Variants in RUNDC3B observed in about 807,000 individuals in gnomAD.
RUNDC3B encodes RUN domain containing 3B, also known as RUN domain-containing protein 3B.
A neutral mutation model predicts 58.4 loss-of-function variants in RUNDC3B; 33 were observed. That is an observed-to-expected ratio of 0.56 (90% CI 0.43 to 0.75). The LOEUF is 0.75. Ranked by LOEUF, RUNDC3B falls within the 30% of genes least tolerant of loss-of-function variation. The pLI is 0.00. For missense variants in RUNDC3B, 501 were observed against 535.7 expected (o/e 0.94, Z 0.64); for synonymous variants, 193 against 195.2 (o/e 0.99, Z 0.10).
chr7:87,794,848 T>A, intron 8 of RUNDC3B, among the ~76,000 whole-genome samples: 1 of 152,172 alleles, frequency 6.6e-6, no homozygotes, highest in East Asian at 1.9e-4. Flanking sequence ...GTGATCTATT[T>A]TTGACAAAGT....
chr7:87,685,807 A>G (rs972799354), intron 2 of RUNDC3B, among the ~76,000 whole-genome samples: 1 of 152,206 alleles, frequency 6.6e-6, no homozygotes, highest in Admixed American at 6.5e-5. Context: ...AATTTACTAC[A>G]AGGAATAAAT....
intron 2 of RUNDC3B, among the ~76,000 whole-genome samples, chr7:87,657,557 G>A (rs1824232340): frequency 6.6e-6 from 1 of 152,130 alleles, no homozygotes; most frequent in Non-Finnish European, 1.5e-5. Flanking sequence ...CTCTTGGCTG[G>A]TCAAAAACTC....
chr7:87,724,752 A>G (rs1185115330), intron 4 of RUNDC3B, among the ~76,000 whole-genome samples: 1 of 152,030 alleles, frequency 6.6e-6, no homozygotes, highest in Non-Finnish European at 1.5e-5. Context: ...TTTATACCTG[A>G]TCTTCATAAT....
At chr7:87,663,166 T>A (rs1824883760) in intron 2 of RUNDC3B, among the ~76,000 whole-genome samples, 1 of 152,180 alleles carries the variant, frequency 6.6e-6, no homozygotes, top group African/African-American at 2.4e-5. Flanking sequence ...ATCCAAAATA[T>A]AAGATCATAT....
intron 1 of RUNDC3B, among the ~76,000 whole-genome samples, chr7:87,630,703 T>C (rs1398148491): frequency 6.6e-6 from 1 of 151,226 alleles, no homozygotes; most frequent in Non-Finnish European, 1.5e-5. Flanking sequence ...TTTTTTTTTC[T>C]TTCAAATTCT....
intron 2 of RUNDC3B, among the ~76,000 whole-genome samples, chr7:87,662,130 C>T (rs2130456715): frequency 6.6e-6 from 1 of 152,096 alleles, no homozygotes; most frequent in Middle Eastern, 3.4e-3. Flanking sequence ...TGTTTGAGCT[C>T]CTTATATATT....
At position 87,684,542 on chromosome 7, in the gene RUNDC3B, A is replaced by G. The variant is rs564494662; in HGVS notation, c.239-15879A>G. Among the ~76,000 whole-genome samples the G allele has an allele frequency of 6.6e-5, 10 of 152,038 alleles. No homozygotes were observed. In the South Asian group the frequency reaches 1.7e-3, roughly 25 times the overall value. ...GGCAGGCGGATCATGAGGTCAAGAG[A>G]TCGAGACCATCCTGGCCAACATGGT... On this transcript the variant is annotated intron_variant, in intron 2 of 10. Coordinates refer to ENST00000394654, the MANE Select transcript of RUNDC3B (RefSeq NM_001134405.2).
intron 6 of RUNDC3B, among the ~76,000 whole-genome samples, chr7:87,759,686 T>A (rs905830394): frequency 2.4e-4 from 37 of 151,812 alleles, no homozygotes; most frequent in Non-Finnish European, 4.9e-4. Flanking sequence ...TAGTCCTAGC[T>A]ACTTGGGAGA....
chr7:87,669,600 T>G (rs903924545), intron 2 of RUNDC3B, among the ~76,000 whole-genome samples: 1 of 152,218 alleles, frequency 6.6e-6, no homozygotes, highest in African/African-American at 2.4e-5. Context: ...GTTTTTGTAT[T>G]AGCTGGTATT....
chr7:87,749,475 C>CA (rs1391636106), intron 6 of RUNDC3B, among the ~76,000 whole-genome samples: 2 of 152,098 alleles, frequency 1.3e-5, no homozygotes, highest in African/African-American at 4.8e-5. Flanking sequence ...AATACCAATT[C>CA]AACCTAGTCA....
chr7:87,795,962 C>A (rs1489981187), intron 8 of RUNDC3B, among the ~76,000 whole-genome samples: 1 of 152,090 alleles, frequency 6.6e-6, no homozygotes, highest in Non-Finnish European at 1.5e-5. Context: ...TTGGTATATA[C>A]CCAAAAGAAA....
chr7:87,701,925 C>T (rs1203037102), intron 3 of RUNDC3B, among the ~76,000 whole-genome samples: 11 of 151,980 alleles, frequency 7.2e-5, no homozygotes, highest in African/African-American at 2.2e-4. Context: ...AGGCGGATCA[C>T]GAGGTCAGGA....
At chr7:87,821,493 C>A (rs908658928) in intron 10 of RUNDC3B, among the ~76,000 whole-genome samples, 2 of 152,068 alleles carry the variant, frequency 1.3e-5, no homozygotes, top group African/African-American at 4.8e-5. Context: ...TCAATGCCAC[C>A]CCCATCAAGC....
chr7:87,797,111 G>T (rs1346544956), intron 8 of RUNDC3B, among the ~76,000 whole-genome samples: 2 of 152,272 alleles, frequency 1.3e-5, no homozygotes, highest in East Asian at 3.9e-4. Flanking sequence ...GACAGTAACG[G>T]AAAAGTTTGG....
At position 87,671,139 on chromosome 7, in the gene RUNDC3B, C is replaced by G. The variant is rs368730092; in HGVS notation, c.238+20202C>G. 3.7e-4 allele frequency among the ~76,000 whole-genome samples: 57 copies of G among 152,338 alleles called. No homozygotes were observed. In the South Asian group the frequency reaches 0.011, roughly 30 times the overall value. The stretch of plus-strand genomic sequence containing the variant: ...GGATGGAGGGTCTGTACTGTGGCCC[C>G]AGGCCAAGGGTTCCCTGTCTAGTCA... On this transcript the variant is annotated intron_variant, in intron 2 of 10. Transcript: ENST00000394654.
chr7:87,695,355 G>A (rs1168791024), intron 2 of RUNDC3B, among the ~76,000 whole-genome samples: 2 of 151,980 alleles, frequency 1.3e-5, no homozygotes, highest in Non-Finnish European at 2.9e-5. Context: ...ATAAAATAGT[G>A]GATAATATTA....
At chr7:87,768,909 C>G (rs1201937103) in intron 6 of RUNDC3B, among the ~76,000 whole-genome samples, 1 of 151,724 alleles carries the variant, frequency 6.6e-6, no homozygotes, top group Non-Finnish European at 1.5e-5. Context: ...GTTGAATGAA[C>G]TCTTTTTTTT....
At chr7:87,733,185 A>G in intron 4 of RUNDC3B, among the ~76,000 whole-genome samples, 1 of 152,110 alleles carries the variant, frequency 6.6e-6, no homozygotes, top group East Asian at 1.9e-4. Flanking sequence ...TTCCATTCCT[A>G]GAGCTATGAA....
chr7:87,783,282 T>C (rs1184628310), intron 8 of RUNDC3B, among the ~76,000 whole-genome samples: 1 of 152,158 alleles, frequency 6.6e-6, no homozygotes, highest in Non-Finnish European at 1.5e-5. Context: ...TTTTTAGTGT[T>C]GTTTCTTTAA....
Sources: allele counts gnomAD v4.1 joint callset (sites outside exome capture counted in the v4.1 genomes callset), GRCh38; gene constraint gnomAD v4.1.1; transcripts MANE v1.5; gene names NCBI Gene and HGNC (gene_info 2026-07-23, HGNC 2026-07-21).